RBMS3: variants seen among roughly 807,000 people sequenced by gnomAD.
The protein encoded by RBMS3 is RNA binding motif single stranded interacting protein 3, also known as RNA-binding motif, single-stranded-interacting protein 3.
In RBMS3, 27 loss-of-function variants were observed where a neutral mutation model predicts 66.8. The observed-to-expected ratio is 0.40, with a 90% CI of 0.30 to 0.56. The LOEUF is 0.56. Among genes scored for constraint, RBMS3 ranks in the 20% least tolerant of loss-of-function variants. The pLI is 0.40. For synonymous variants in RBMS3, 188 were observed against 183.0 expected (o/e 1.03, Z -0.22); for missense variants, 513 against 549.5 (o/e 0.93, Z 0.66).
At chr3:29,660,599 G>T (rs2149228264) in intron 4 of RBMS3, among the ~76,000 whole-genome samples, 1 of 150,906 alleles carries the variant, frequency 6.6e-6, no homozygotes, top group South Asian at 2.1e-4. Context: ...GCCTCCCCAG[G>T]GTTAGCTGGG....
intron 3 of RBMS3, among the ~76,000 whole-genome samples, chr3:29,489,802 T>C (rs1026568621): frequency 6.6e-6 from 1 of 150,788 alleles, no homozygotes; most frequent in African/African-American, 2.4e-5. Flanking sequence ...CCCAGCACTT[T>C]GGGAGGCTGA....
chr3:29,434,770 A>G lies in RBMS3; in HGVS notation c.103A>G (p.Met35Val), dbSNP rs1314805672. The change falls in exon 2 of 15, where the codon ATG becomes GTG. Residue 35 changes from methionine to valine, a missense_variant. Physicochemically the swap from Met to Val is conservative, Grantham distance 21 (BLOSUM62 1). Transcript: ENST00000383767. ...GTCCTATGCACCAGCTCCCCACCCC[A>G]TGGCTCCTCCCAGCCCCAGCACAAA... Reference protein sequence around the residue: ...KQSYAPAPHPMAPPSPSTNSS... With the variant: ...KQSYAPAPHPVAPPSPSTNSS... 4 of 1,613,940 alleles carry G rather than the reference A, an allele frequency of 2.5e-6. No homozygotes were observed. The highest frequency in any genetic ancestry group is 2.5e-6 in the Non-Finnish European group (3 of 1,179,944).
chr3:29,829,981 A>G (rs1476099155), intron 6 of RBMS3, among the ~76,000 whole-genome samples: 1 of 84,242 alleles, frequency 1.2e-5, no homozygotes, highest in African/African-American at 4.1e-5. Context: ...GGGAATTAAT[A>G]AAAAAAAAAA....
intron 1 of RBMS3, among the ~76,000 whole-genome samples, chr3:29,402,350 C>T (rs549550662): frequency 2.6e-5 from 4 of 152,016 alleles, no homozygotes; most frequent in Non-Finnish European, 5.9e-5. Context: ...CAATTGCCCA[C>T]TTTAGAAATC....
chr3:29,801,928 T>A (rs9866670), intron 6 of RBMS3, among the ~76,000 whole-genome samples: 64,990 of 151,560 alleles, frequency 0.43, 14,092 homozygotes, highest in Non-Finnish European at 0.45. Flanking sequence ...TACAGCATAT[T>A]TGTATATTCA....
intron 10 of RBMS3, among the ~76,000 whole-genome samples, chr3:29,909,740 A>G (rs2060471004): frequency 6.6e-6 from 1 of 152,060 alleles, no homozygotes; most frequent in African/African-American, 2.4e-5. Context: ...AATTGTCCCA[A>G]CTGAAGTATT....
At chr3:29,328,901 A>G (rs1361107122) in intron 1 of RBMS3, among the ~76,000 whole-genome samples, 3 of 152,316 alleles carry the variant, frequency 2.0e-5, no homozygotes, top group Non-Finnish European at 4.4e-5. Flanking sequence ...TTTTGCACAT[A>G]CTAGTCACTG....
At chr3:29,458,026 C>A (rs2042253029) in intron 2 of RBMS3, among the ~76,000 whole-genome samples, 1 of 152,110 alleles carries the variant, frequency 6.6e-6, no homozygotes, top group Non-Finnish European at 1.5e-5. Flanking sequence ...GAAGCTCTTC[C>A]TGACTCAGAA....
intron 11 of RBMS3, among the ~76,000 whole-genome samples, chr3:29,939,248 A>G (rs1478985322): frequency 6.6e-6 from 1 of 152,038 alleles, no homozygotes; most frequent in Non-Finnish European, 1.5e-5. Context: ...TTGGAAATAT[A>G]TAATCAATTT....
chr3:29,766,807 A>G (rs1457420032), intron 6 of RBMS3: 1 of 151,926 alleles, frequency 6.6e-6, no homozygotes, highest in Non-Finnish European at 1.5e-5. Context: ...AGTCACATGT[A>G]TTGCTGCTAG....
At chr3:29,724,160 C>T (rs1411166517) in intron 4 of RBMS3, among the ~76,000 whole-genome samples, 4 of 152,102 alleles carry the variant, frequency 2.6e-5, no homozygotes, top group Admixed American at 2.6e-4. Context: ...TTTTAAGGAT[C>T]TCATTATCAA....
chr3:29,814,456 T>C (rs2057819148), intron 6 of RBMS3, among the ~76,000 whole-genome samples: 1 of 152,158 alleles, frequency 6.6e-6, no homozygotes, highest in Non-Finnish European at 1.5e-5. Flanking sequence ...TTTGGTTGTG[T>C]CTCTGCCAGG....
At chr3:29,647,663 A>G (rs530347394) in intron 4 of RBMS3, among the ~76,000 whole-genome samples, 1 of 152,292 alleles carries the variant, frequency 6.6e-6, no homozygotes, top group Admixed American at 6.5e-5. Context: ...GGGTATTCAG[A>G]GCAGGAGGTA....
At chr3:29,884,035 A>G in intron 7 of RBMS3, 127 bp from the exon 8 acceptor site, 1 of 779,886 alleles carries the variant, frequency 1.3e-6, no homozygotes, top group Non-Finnish European at 2.1e-6. Flanking sequence ...GCATAGAGAT[A>G]TACATAGGAG....
At chr3:29,590,928 G>A (rs2047712062) in intron 4 of RBMS3, among the ~76,000 whole-genome samples, 1 of 152,082 alleles carries the variant, frequency 6.6e-6, no homozygotes, top group Non-Finnish European at 1.5e-5. Flanking sequence ...TGTATCCACA[G>A]TTAATCCAGG....
intron 6 of RBMS3, among the ~76,000 whole-genome samples, chr3:29,806,900 A>T (rs962968832): frequency 1.3e-5 from 2 of 151,830 alleles, no homozygotes; most frequent in African/African-American, 4.8e-5. Context: ...TTCAAAAAGG[A>T]TTGGGATTCT....
intron 4 of RBMS3, among the ~76,000 whole-genome samples, chr3:29,654,766 T>C (rs898864456): frequency 1.1e-5 from 1 of 93,428 alleles, no homozygotes; most frequent in African/African-American, 4.2e-5. Context: ...ATTTTTGCGT[T>C]TTTTTTTTTT....
At chr3:29,760,866 T>A (rs1284086565) in intron 5 of RBMS3, among the ~76,000 whole-genome samples, 1 of 152,128 alleles carries the variant, frequency 6.6e-6, no homozygotes, top group Non-Finnish European at 1.5e-5. Flanking sequence ...TTTGTTTTTA[T>A]TTTTATCTAT....
chr3:29,797,800 A>C (rs1454928026), intron 6 of RBMS3: 1 of 152,200 alleles, frequency 6.6e-6, no homozygotes, highest in East Asian at 1.9e-4. Context: ...AAATGCTAAT[A>C]CAATGTTTAT....
Sources: allele counts gnomAD v4.1 joint callset (sites outside exome capture counted in the v4.1 genomes callset), GRCh38; gene constraint gnomAD v4.1.1; transcripts MANE v1.5; gene names NCBI Gene and HGNC (gene_info 2026-07-23, HGNC 2026-07-21).